AGBL1: variants seen among roughly 807,000 people sequenced by gnomAD.
AGBL1 encodes the protein AGBL carboxypeptidase 1.
Under a neutral mutation model 118.9 loss-of-function variants are expected in AGBL1, and 130 were observed. The ratio of observed to expected loss-of-function variants is 1.09; its 90% CI spans 0.95 to 1.26. The LOEUF (loss-of-function observed/expected upper bound fraction) is 1.26, where lower values mean the gene tolerates loss of function less well. Ranked by LOEUF, AGBL1 falls within the 50% of genes most tolerant of loss-of-function variation. The pLI is 0.00. For missense variants in AGBL1, 1,584 were observed against 1,298.1 expected (o/e 1.22, Z -3.38); for synonymous variants, 555 against 478.9 (o/e 1.16, Z -2.08).
At chr15:86,464,156 T>TA (rs764309690) in intron 18 of AGBL1, among the ~76,000 whole-genome samples, 7 of 152,134 alleles carry the variant, frequency 4.6e-5, no homozygotes, top group Non-Finnish European at 8.8e-5. Context: ...GGTCTTCGTG[T>TA]CCCTTGTAAG....
intron 18 of AGBL1, among the ~76,000 whole-genome samples, chr15:86,425,561 A>G (rs1315726558): frequency 3.3e-5 from 5 of 152,182 alleles, no homozygotes; most frequent in Non-Finnish European, 7.4e-5. Flanking sequence ...GCAAAATTCC[A>G]GACTATTAAT....
intron 22 of AGBL1, among the ~76,000 whole-genome samples, chr15:86,781,164 T>C (rs2078330778): frequency 6.6e-6 from 1 of 152,166 alleles, no homozygotes; most frequent in Admixed American, 6.5e-5. Context: ...TTTTTTCAAG[T>C]TCTCTCTGTC....
chr15:87,026,631 C>T (rs147573185), intron 24 of AGBL1, among the ~76,000 whole-genome samples: 62 of 152,176 alleles, frequency 4.1e-4, no homozygotes, highest in African/African-American at 1.4e-3. Context: ...TTTGATCCAG[C>T]AATCCCACTA....
intron 22 of AGBL1, among the ~76,000 whole-genome samples, chr15:86,777,578 G>A (rs1471642831): frequency 6.6e-6 from 1 of 151,966 alleles, no homozygotes; most frequent in Non-Finnish European, 1.5e-5. Context: ...AGGGAGAATT[G>A]GGATATTTAT....
At chr15:86,248,785 T>A (rs953104587) in intron 7 of AGBL1, among the ~76,000 whole-genome samples, 2 of 152,092 alleles carry the variant, frequency 1.3e-5, no homozygotes, top group South Asian at 2.1e-4. Context: ...GGAAGATAAT[T>A]TCATATCGCA....
chr15:86,937,794 CTAAAA>C (rs1244101899), intron 23 of AGBL1, among the ~76,000 whole-genome samples: 1 of 152,152 alleles, frequency 6.6e-6, no homozygotes, highest in East Asian at 1.9e-4. Flanking sequence ...ACCTCCAAAA[CTAAAA>C]TAAAAGTTAA....
Position 86,693,079 on chromosome 15 carries a change from A to C in AGBL1, c.3158+18643A>C, listed in dbSNP as rs1255865620. Among the ~76,000 whole-genome samples the C allele has an allele frequency of 2.0e-5, 3 of 152,088 alleles. No individual in the cohort carries two copies. The East Asian group carries it at 5.8e-4, about 29-fold the overall frequency. Reference sequence around the variant, plus strand: ...TGTGCTGCTATAGACAGGCATGTGCAAGTATCTTTTTCGTATAATGACTTC... The same window carrying C: ...TGTGCTGCTATAGACAGGCATGTGCCAGTATCTTTTTCGTATAATGACTTC... On this transcript the variant is annotated intron_variant, in intron 22 of 22. Coordinates refer to ENST00000614907, the MANE Select transcript of AGBL1 (RefSeq NM_001386094.1).
intron 22 of AGBL1, among the ~76,000 whole-genome samples, chr15:86,770,679 A>C (rs1206673357): frequency 6.6e-6 from 1 of 151,902 alleles, no homozygotes; most frequent in Non-Finnish European, 1.5e-5. Context: ...GAGTTTTCCA[A>C]GTAGATGTAG....
intron 22 of AGBL1, among the ~76,000 whole-genome samples, chr15:86,715,511 C>T (rs1414964469): frequency 6.6e-6 from 1 of 152,066 alleles, no homozygotes; most frequent in Non-Finnish European, 1.5e-5. Flanking sequence ...CTTATTTTAC[C>T]TTTCTTTGGG....
At chr15:86,198,496 C>T (rs58387143) in intron 5 of AGBL1, among the ~76,000 whole-genome samples, 29,861 of 152,012 alleles carry the variant, frequency 0.2, 3,420 homozygotes, top group East Asian at 0.38. Flanking sequence ...AGGCAGAATG[C>T]TAGAGCCTTA....
intron 22 of AGBL1, among the ~76,000 whole-genome samples, chr15:86,886,903 T>G (rs1241528934): frequency 2.6e-5 from 4 of 152,126 alleles, no homozygotes; most frequent in Non-Finnish European, 5.9e-5. Context: ...GACGAGGTTT[T>G]GGAAGCTCCT....
At chr15:86,406,714 TC>T (rs2081535191) in intron 18 of AGBL1, among the ~76,000 whole-genome samples, 2 of 152,316 alleles carry the variant, frequency 1.3e-5, no homozygotes, top group South Asian at 4.1e-4. Flanking sequence ...ATCAGCTATA[TC>T]TTTAAGTATA....
chr15:86,160,950 G>A (rs1435149989), intron 5 of AGBL1, among the ~76,000 whole-genome samples: 2 of 152,106 alleles, frequency 1.3e-5, no homozygotes, highest in East Asian at 3.9e-4. Context: ...GGGTAGCGGG[G>A]AGAAATCAAC....
chr15:86,136,428 A>T (rs184443295), intron 1 of AGBL1, among the ~76,000 whole-genome samples: 12 of 152,332 alleles, frequency 7.9e-5, no homozygotes, highest in African/African-American at 2.9e-4. Context: ...ATCATGTTGT[A>T]GTCTTTGTGA....
chr15:86,234,541 ACT>A lies in AGBL1; in HGVS notation c.526+9593_526+9594del, dbSNP rs578018587. ...ACTCCAGCCTGGGCGACAGAGTGAG[ACT>A]CTATCTCAAAAAAAAAAAAAAAAAA... On this transcript the variant is annotated intron_variant, in intron 6 of 22. Transcript: ENST00000614907. Among the ~76,000 whole-genome samples the A allele has an allele frequency of 3.2e-4, 41 of 129,034 alleles. No individual in the cohort carries two copies. In the South Asian group the frequency reaches 0.01, roughly 32 times the overall value. The allele number at this position is 129,034 out of a possible 152,430, so 84.7% of individuals were successfully genotyped here. A position where few individuals can be genotyped will look rare whatever the true frequency, so the allele number is the denominator to read the frequency against.
At chr15:86,994,229 G>A (rs1040211615) in intron 24 of AGBL1, among the ~76,000 whole-genome samples, 4 of 152,084 alleles carry the variant, frequency 2.6e-5, no homozygotes, top group African/African-American at 9.7e-5. Context: ...TTGGAATTGA[G>A]ATGGCCCTCA....
chr15:86,864,641 T>A (rs1025315006), intron 22 of AGBL1, among the ~76,000 whole-genome samples: 3 of 152,096 alleles, frequency 2.0e-5, no homozygotes, highest in African/African-American at 7.2e-5. Context: ...TTAAGCTCCA[T>A]CTTAACTACA....
At chr15:86,595,599 C>T (rs2084394071) in intron 21 of AGBL1, among the ~76,000 whole-genome samples, 1 of 152,124 alleles carries the variant, frequency 6.6e-6, no homozygotes, top group East Asian at 1.9e-4. Flanking sequence ...TCTCTCATTC[C>T]TTTCTGAGTC....
intron 1 of AGBL1, among the ~76,000 whole-genome samples, chr15:86,103,483 T>A (rs1177090624): frequency 6.6e-6 from 1 of 152,228 alleles, no homozygotes; most frequent in Non-Finnish European, 1.5e-5. Flanking sequence ...TTCTCCCATT[T>A]TTTTTGGATT....
Sources: allele counts gnomAD v4.1 joint callset (sites outside exome capture counted in the v4.1 genomes callset), GRCh38; gene constraint gnomAD v4.1.1; transcripts MANE v1.5; gene names NCBI Gene and HGNC (gene_info 2026-07-23, HGNC 2026-07-21).